GPC5: variants seen among roughly 807,000 people sequenced by gnomAD.
The protein encoded by GPC5 is glypican 5, also known as glypican-5.
Under a neutral mutation model 53.9 loss-of-function variants are expected in GPC5, and 47 were observed. That is an observed-to-expected ratio of 0.87 (90% CI 0.69 to 1.11). GPC5 has a LOEUF of 1.11. GPC5 is among the 50% of genes most tolerant of loss of function. GPC5 has a pLI of 0.00. For synonymous variants in GPC5, 286 were observed against 263.3 expected (o/e 1.09, Z -0.84); for missense variants, 748 against 713.1 (o/e 1.05, Z -0.56).
intron 7 of GPC5, among the ~76,000 whole-genome samples, chr13:92,566,780 C>G (rs1882876255): frequency 6.6e-6 from 1 of 151,910 alleles, no homozygotes; most frequent in Non-Finnish European, 1.5e-5. Context: ...CTTCCAATTC[C>G]CAATCAGAGA....
intron 7 of GPC5, among the ~76,000 whole-genome samples, chr13:92,506,380 A>C (rs1268021451): frequency 2.0e-5 from 3 of 152,154 alleles, no homozygotes; most frequent in African/African-American, 4.8e-5. Flanking sequence ...AATAAGAAAA[A>C]CTAAGGCCAG....
intron 7 of GPC5, among the ~76,000 whole-genome samples, chr13:92,293,436 T>G (rs1215104816): frequency 6.8e-6 from 1 of 146,168 alleles, no homozygotes; most frequent in African/African-American, 2.5e-5. Flanking sequence ...TTTTTTTTTT[T>G]TTTTTTTTTT....
chr13:91,854,342 T>C (rs543435879), intron 5 of GPC5, among the ~76,000 whole-genome samples: 1 of 151,880 alleles, frequency 6.6e-6, no homozygotes, highest in South Asian at 2.1e-4. Context: ...AATCACATCA[T>C]GGAAAATTGG....
At chr13:92,107,965 A>G (rs530149245) in intron 6 of GPC5, among the ~76,000 whole-genome samples, 1 of 152,316 alleles carries the variant, frequency 6.6e-6, no homozygotes, top group South Asian at 2.1e-4. Context: ...CTTTTTCTCC[A>G]TAAGAAAGTT....
chr13:91,601,250 G>A (rs2033171563), intron 2 of GPC5, among the ~76,000 whole-genome samples: 1 of 152,150 alleles, frequency 6.6e-6, no homozygotes, highest in African/African-American at 2.4e-5. Context: ...AAAAATATAT[G>A]ACACTCTGAT....
intron 6 of GPC5, among the ~76,000 whole-genome samples, chr13:92,111,319 T>G (rs1162338812): frequency 6.6e-6 from 1 of 152,082 alleles, no homozygotes; most frequent in Non-Finnish European, 1.5e-5. Context: ...AGATTTCTCT[T>G]TACTCATACC....
At chr13:91,470,166 G>T (rs964999986) in intron 2 of GPC5, among the ~76,000 whole-genome samples, 3 of 152,126 alleles carry the variant, frequency 2.0e-5, no homozygotes, top group African/African-American at 7.2e-5. Context: ...ATAGTAGCTT[G>T]GTTATGTCAT....
At chr13:92,345,658 T>C (rs1190129934) in intron 7 of GPC5, among the ~76,000 whole-genome samples, 1 of 152,172 alleles carries the variant, frequency 6.6e-6, no homozygotes, top group Non-Finnish European at 1.5e-5. Context: ...CTTCATCCCC[T>C]CTGAAGTCAG....
intron 7 of GPC5, among the ~76,000 whole-genome samples, chr13:92,266,561 A>G (rs1026931621): frequency 6.6e-6 from 1 of 152,058 alleles, no homozygotes; most frequent in Non-Finnish European, 1.5e-5. Flanking sequence ...TAGCCAGTCT[A>G]TTTGCTGTTA....
At chr13:92,049,294 C>T (rs1359840518) in intron 6 of GPC5, among the ~76,000 whole-genome samples, 2 of 152,026 alleles carry the variant, frequency 1.3e-5, no homozygotes, top group Non-Finnish European at 2.9e-5. Context: ...GTTTAAATGG[C>T]TTTATTTTTG....
intron 7 of GPC5, among the ~76,000 whole-genome samples, chr13:92,854,911 T>A (rs935394893): frequency 6.6e-6 from 1 of 152,038 alleles, no homozygotes. Context: ...TGTCTATTTT[T>A]ATTTTTGTTG....
intron 7 of GPC5, among the ~76,000 whole-genome samples, chr13:92,381,902 TA>T (rs1187019394): frequency 7.4e-6 from 1 of 135,808 alleles, no homozygotes; most frequent in African/African-American, 2.9e-5. Flanking sequence ...TATATAATCA[TA>T]TATATGATAT....
chr13:91,677,585 T>A (rs1477807626), intron 2 of GPC5, among the ~76,000 whole-genome samples: 1 of 152,180 alleles, frequency 6.6e-6, no homozygotes, highest in Admixed American at 6.5e-5. Flanking sequence ...TTCTTTTGCA[T>A]TCTAATATAC....
intron 7 of GPC5, among the ~76,000 whole-genome samples, chr13:92,824,066 CCTT>C (rs1443776367): frequency 7.2e-5 from 11 of 152,200 alleles, no homozygotes; most frequent in African/African-American, 2.4e-4. Flanking sequence ...CTGGAGATGA[CCTT>C]CTTAAGATTC....
At chr13:91,498,095 T>C (rs1386799516) in intron 2 of GPC5, among the ~76,000 whole-genome samples, 1 of 151,194 alleles carries the variant, frequency 6.6e-6, no homozygotes, top group Non-Finnish European at 1.5e-5. Flanking sequence ...TAGATTTTTT[T>C]TTTCTCCCGC....
intron 7 of GPC5, among the ~76,000 whole-genome samples, chr13:92,201,370 A>C (rs765680717): frequency 7.9e-5 from 12 of 152,136 alleles, no homozygotes; most frequent in Middle Eastern, 3.4e-3. Flanking sequence ...GCACATTGTC[A>C]CTTCAATTGA....
At chr13:92,381,859 TTATA>T (rs1214587175) in intron 7 of GPC5, among the ~76,000 whole-genome samples, 1 of 135,570 alleles carries the variant, frequency 7.4e-6, no homozygotes, top group African/African-American at 2.9e-5. Flanking sequence ...TCATATATGA[TTATA>T]TATATCATAT....
chr13:91,894,667 C>A (rs1172045228), intron 5 of GPC5, among the ~76,000 whole-genome samples: 1 of 152,132 alleles, frequency 6.6e-6, no homozygotes, highest in Non-Finnish European at 1.5e-5. Flanking sequence ...ATTAGTCATT[C>A]TGCACCCACC....
intron 7 of GPC5, among the ~76,000 whole-genome samples, chr13:92,203,662 ATAAAT>A (rs1180431807): frequency 2.1e-5 from 3 of 143,384 alleles, no homozygotes; most frequent in Non-Finnish European, 4.5e-5. Context: ...ATATAAAAAA[ATAAAT>A]AAATAAAACC....
Sources: allele counts gnomAD v4.1 joint callset (sites outside exome capture counted in the v4.1 genomes callset), GRCh38; gene constraint gnomAD v4.1.1; transcripts MANE v1.5; gene names NCBI Gene and HGNC (gene_info 2026-07-23, HGNC 2026-07-21).